RASGRP2: variants seen among roughly 807,000 people sequenced by gnomAD.
The protein encoded by RASGRP2 is RAS guanyl releasing protein 2.
RASGRP2 carries 44 observed loss-of-function variants against 71.0 expected under a neutral mutation model. That is an observed-to-expected ratio of 0.62 (90% CI 0.49 to 0.80). The LOEUF (loss-of-function observed/expected upper bound fraction) is 0.80. Ranked by LOEUF, RASGRP2 falls within the 30% of genes least tolerant of loss-of-function variation. The pLI is 0.00. For missense variants in RASGRP2, 663 were observed against 813.4 expected, an observed-to-expected ratio of 0.82 and a Z score of 2.25; for synonymous variants, 350 against 330.7, an observed-to-expected ratio of 1.06 and a Z score of -0.63.
intron 15 of RASGRP2, among the ~76,000 whole-genome samples, 175 bp downstream of exon 15, chr11:64,728,688 C>T (rs1311830335): frequency 6.6e-6 from 1 of 152,188 alleles, no homozygotes; most frequent in Non-Finnish European, 1.5e-5. Context: ...CCGCCTCGGC[C>T]TCCCAAAGTG....
chr11:64,735,434 A>C lies in RASGRP2; in HGVS notation c.1296+108T>G. Reference sequence around the variant, plus strand: ...TGGCCTGCCAGGCCCTGTGACTCCTAGGGGCTGAGTGCTGGGTCTTGAACA... The same window carrying C: ...TGGCCTGCCAGGCCCTGTGACTCCTCGGGGCTGAGTGCTGGGTCTTGAACA... On this transcript the variant is annotated intron_variant, in intron 11 of 16. Transcript: ENST00000394432. The surrounding 1 kb of genome is among the most constrained non-coding windows in gnomAD (Gnocchi z 4.2). 5 of 1,585,066 alleles carry C rather than the reference A, an allele frequency of 3.2e-6. No individual in the cohort carries two copies. The highest frequency in any genetic ancestry group is 4.3e-6 in the Non-Finnish European group (5 of 1,161,774).
chr11:64,741,393 A>T, intron 4 of RASGRP2, 46 bp downstream of exon 4: 1 of 1,489,332 alleles, frequency 6.7e-7, no homozygotes, highest in Non-Finnish European at 9.2e-7. Flanking sequence ...GAAGCCAGAG[A>T]GAAGGGAGAA....
chr11:64,737,228 T>G (rs775602444), intron 8 of RASGRP2, 194 bp from the exon 9 acceptor site: 9 of 648,456 alleles, frequency 1.4e-5, no homozygotes, highest in African/African-American at 1.8e-5. Context: ...AAGGCAATAC[T>G]CACTGCCAAA....
chr11:64,744,211 G>GC (rs1488173595), upstream of RASGRP2: 5 of 985,646 alleles, frequency 5.1e-6, no homozygotes, highest in African/African-American at 3.5e-5. Flanking sequence ...CCATTCCGTC[G>GC]CCCCCCTCCC....
At chr11:64,740,831 G>T in intron 5 of RASGRP2, 117 bp downstream of exon 5, 1 of 1,410,740 alleles carries the variant, frequency 7.1e-7, no homozygotes, top group Non-Finnish European at 1.0e-6. Context: ...GCCATGGAAG[G>T]TTTTTAAGCG....
In RASGRP2 at chr11:64,735,799, AC is replaced by A; in HGVS notation, c.1173+103del. The A allele has an allele frequency of 6.7e-7, 1 of 1,482,242 alleles. No homozygotes were observed. The highest frequency in any genetic ancestry group is 9.2e-7 in the Non-Finnish European group (1 of 1,081,830). The allele number at this position is 1,482,242 out of a possible 1,614,324, so 91.8% of individuals were successfully genotyped here. ...CCTACCCCCAGGATGCCTCTGTCCT[AC>A]AAGATGGATGGGTGAGGTGGCTGCT... On this transcript the variant is annotated intron_variant, in intron 10 of 16. Transcript: ENST00000394432. This position sits in a 1 kb window ranked among gnomAD's most constrained non-coding sequence, Gnocchi z 4.2.
intron 5 of RASGRP2, 65 bp from the exon 6 acceptor site, chr11:64,740,228 A>T (rs1259179884): frequency 6.3e-7 from 1 of 1,595,936 alleles, no homozygotes; most frequent in Admixed American, 1.7e-5. Context: ...CCCCACTCAC[A>T]CAGACACACC....
At chr11:64,729,645 C>G (rs935739720) in intron 14 of RASGRP2, 117 bp downstream of exon 14, 1 of 1,325,096 alleles carries the variant, frequency 7.5e-7, no homozygotes, top group African/African-American at 1.5e-5. Context: ...CCATGCGCCT[C>G]TGATTTTAAG....
At chr11:64,740,283 G>A in intron 5 of RASGRP2, 120 bp from the exon 6 acceptor site, 6 of 1,306,700 alleles carry the variant, frequency 4.6e-6, no homozygotes, top group Non-Finnish European at 5.5e-6. Flanking sequence ...CACTGTCCTA[G>A]GCACGAATGT....
chr11:64,728,469 C>T (rs1462370887), intron 15 of RASGRP2, among the ~76,000 whole-genome samples: 20 of 152,090 alleles, frequency 1.3e-4, no homozygotes, highest in South Asian at 1.0e-3. Context: ...GCTCTATCGC[C>T]CAGGCTGGAG....
chr11:64,738,118 A>G (rs557665180), intron 8 of RASGRP2, among the ~76,000 whole-genome samples: 1 of 152,330 alleles, frequency 6.6e-6, no homozygotes, highest in South Asian at 2.1e-4. Flanking sequence ...TGAAAAAACA[A>G]TTGCTCCACA....
intron 12 of RASGRP2, among the ~76,000 whole-genome samples, chr11:64,732,638 G>A (rs1435049424): frequency 2.0e-5 from 3 of 152,062 alleles, no homozygotes; most frequent in Admixed American, 6.6e-5. Flanking sequence ...AAAATTAGCC[G>A]GGCACGGTGG....
In RASGRP2 at chr11:64,735,317, T is replaced by G; in HGVS notation, c.1297-90A>C. On this transcript the variant is annotated intron_variant, in intron 11 of 16. Transcript: ENST00000394432. This position sits in a 1 kb window ranked among gnomAD's most constrained non-coding sequence, Gnocchi z 4.2. ...TCCCTTCCCACGTTCCCAGTCCATT[T>G]GATGAGGTGTGTCTCAGAGAGGTCT... 7.9e-7 allele frequency: 1 copy of G among 1,267,826 alleles called. No homozygotes were observed. Among genetic ancestry groups the G allele is most frequent in the Non-Finnish European group, 1.1e-6 (1 of 873,914 alleles). The allele number at this position is 1,267,826 out of a possible 1,614,324, so 78.5% of individuals were successfully genotyped here.
rs1456470985 is a variant in RASGRP2, at chr11:64,742,969, G to A, written c.-71-32C>T. 19 of 1,513,826 alleles carry A rather than the reference G, an allele frequency of 1.3e-5. No individual in the cohort carries two copies. Among genetic ancestry groups the A allele is most frequent in the African/African-American group, 2.8e-5 (2 of 72,132 alleles). 93.8% of individuals were successfully genotyped at this position (1,513,826 alleles called of 1,614,324 possible). Reference sequence around the variant, plus strand: ...CGGGAGAGGCAGAGCGGGAGTCTGCGGAGTCGCGGGCGGGGGAGCGGCCCC... The same window carrying A: ...CGGGAGAGGCAGAGCGGGAGTCTGCAGAGTCGCGGGCGGGGGAGCGGCCCC... On this transcript the variant is annotated intron_variant, in intron 1 of 16. Transcript: ENST00000394432. This position sits in a 1 kb window ranked among gnomAD's most constrained non-coding sequence, Gnocchi z 4.7.
At chr11:64,727,837 CTT>C (rs1269161394) in intron 15 of RASGRP2, among the ~76,000 whole-genome samples, 1 of 152,090 alleles carries the variant, frequency 6.6e-6, no homozygotes, top group South Asian at 2.1e-4. Flanking sequence ...TTTTGAGGCT[CTT>C]TTTCTATGTT....
At chr11:64,727,432 C>A in intron 15 of RASGRP2, 72 bp from the exon 16 acceptor site, 1 of 1,421,196 alleles carries the variant, frequency 7.0e-7, no homozygotes, top group South Asian at 1.2e-5. Flanking sequence ...CCCCTCTCCA[C>A]GGGAGGCATC....
chr11:64,743,079 G>A lies in RASGRP2; in HGVS notation c.-71-142C>T. 1.1e-6 allele frequency: 1 copy of A among 946,058 alleles called. No homozygotes were observed. Among genetic ancestry groups the A allele is most frequent in the Non-Finnish European group, 1.6e-6 (1 of 611,526 alleles). 58.6% of individuals were successfully genotyped at this position (946,058 alleles called of 1,614,324 possible). The stretch of plus-strand genomic sequence containing the variant: ...CCGCGGCCACTCCCGGGGTTAAACG[G>A]TCTGGCCCGGGATGGTGCAACCCGC... On this transcript the variant is annotated intron_variant, in intron 1 of 16. Transcript: ENST00000394432. This position sits in a 1 kb window ranked among gnomAD's most constrained non-coding sequence, Gnocchi z 4.9.
chr11:64,729,709 CAAACAAAA>C (rs2057696929), intron 14 of RASGRP2, 45 bp downstream of exon 14: 3 of 1,592,440 alleles, frequency 1.9e-6, no homozygotes, highest in Middle Eastern at 1.7e-4. Flanking sequence ...CCCAAACAAA[CAAACAAAA>C]AAAAAAAACA....
intron 9 of RASGRP2, among the ~76,000 whole-genome samples, chr11:64,736,545 C>A (rs1032724056): frequency 6.6e-6 from 1 of 152,208 alleles, no homozygotes; most frequent in Non-Finnish European, 1.5e-5. Flanking sequence ...CCACAGTCCA[C>A]ATACCAGCCT....
Sources: gnomAD v4.1 joint callset for allele counts (sites outside exome capture counted in the v4.1 genomes callset) on GRCh38, gnomAD v4.1.1 for gene constraint, Gnocchi (gnomAD v3.1) non-coding constraint, MANE v1.5 for transcripts, NCBI Gene and HGNC (gene_info 2026-07-23, HGNC 2026-07-21) for gene names.